Variants in POR observed in about 807,000 individuals in gnomAD.
POR encodes the protein cytochrome p450 oxidoreductase.
Under a neutral mutation model 84.0 loss-of-function variants are expected in POR, and 56 were observed. The observed-to-expected ratio is 0.67, with a 90% CI of 0.54 to 0.83. The LOEUF (loss-of-function observed/expected upper bound fraction) is 0.83. Ranked by LOEUF, POR falls within the 40% of genes least tolerant of loss-of-function variation. The probability of loss-of-function intolerance (pLI) is 0.00; values close to 1 mark genes in which losing one functional copy is unlikely to be tolerated. For missense variants in POR, 938 were observed against 944.3 expected, an observed-to-expected ratio of 0.99 and a Z score of 0.09; for synonymous variants, 414 against 400.5, an observed-to-expected ratio of 1.03 and a Z score of -0.40.
At chr7:75,980,204 T>G (rs1788934416) in intron 4 of POR, 135 bp from the exon 5 acceptor site, 1 of 1,084,470 alleles carries the variant, frequency 9.2e-7, no homozygotes, top group Non-Finnish European at 1.3e-6. Flanking sequence ...GTTACTTCTC[T>G]CTGATCCCAC....
chr7:75,936,074 GTTTC>G (rs1356549825), intron 1 of POR, among the ~76,000 whole-genome samples: 61 of 134,372 alleles, frequency 4.5e-4, no homozygotes, highest in African/African-American at 1.3e-3. Context: ...TGTCTTTACT[GTTTC>G]TTTCTTTCTT....
At chr7:75,967,006 G>T (rs1176787025) in intron 2 of POR, among the ~76,000 whole-genome samples, 3 of 152,082 alleles carry the variant, frequency 2.0e-5, no homozygotes, top group African/African-American at 7.2e-5. Context: ...GTCTCACTCT[G>T]TCAACCAGGT....
rs1474714275 is a variant in POR, at chr7:75,943,085, G to GGGT, written c.-4-10902_-4-10901insTGG. On this transcript the variant is annotated intron_variant, in intron 1 of 15. Transcript: ENST00000461988. Reference sequence around the variant, plus strand: ...TTCTGCCTCAGCCTCCTGAGTAGCTGGGACTACAGGCACGTGGCACCACAC... The same window carrying GGGT: ...TTCTGCCTCAGCCTCCTGAGTAGCTGGGTGGACTACAGGCACGTGGCACCACAC... 6.6e-5 allele frequency among the ~76,000 whole-genome samples: 10 copies of GGGT among 151,764 alleles called. No individual in the cohort carries two copies. The South Asian group carries it at 2.1e-3, about 32-fold the overall frequency.
intron 1 of POR, among the ~76,000 whole-genome samples, chr7:75,945,924 A>T (rs1474057617): frequency 1.3e-5 from 2 of 152,202 alleles, no homozygotes; most frequent in Non-Finnish European, 2.9e-5. Context: ...CCAGTGTTGC[A>T]AATGGTTGGC....
At chr7:75,984,304 G>C (rs1258222428) in intron 10 of POR, among the ~76,000 whole-genome samples, 1 of 152,176 alleles carries the variant, frequency 6.6e-6, no homozygotes, top group Non-Finnish European at 1.5e-5. Context: ...GGGCTGCCTG[G>C]GCCTGGTGGG....
At position 75,953,639 on chromosome 7, in the gene POR, C is replaced by T. The variant is rs537058324; in HGVS notation, c.-4-350C>T. ...CGTGCACTTCCTCCCGCCTGCCCCC[C>T]GTGCGGTGTCCTTGTGGGATTAGAG... is the stretch of plus-strand genomic sequence containing the variant. On this transcript the variant is annotated intron_variant, in intron 1 of 15. Coordinates refer to ENST00000461988, the MANE Select transcript of POR (RefSeq NM_000941.3). 1.2e-3 allele frequency among the ~76,000 whole-genome samples: 186 copies of T among 152,316 alleles called. 1 individual carries two copies. The highest frequency in any genetic ancestry group is 4.2e-3 in the African/African-American group (175 of 41,558).
intron 1 of POR, among the ~76,000 whole-genome samples, chr7:75,922,077 A>G (rs78175491): frequency 1.3e-5 from 2 of 152,274 alleles, no homozygotes; most frequent in East Asian, 3.9e-4. Context: ...ACTTAATAAA[A>G]GGTGTCTAAT....
At chr7:75,952,407 CG>C (rs1262727374) in intron 1 of POR, among the ~76,000 whole-genome samples, 4 of 127,998 alleles carry the variant, frequency 3.1e-5, no homozygotes, top group African/African-American at 3.1e-5. Context: ...GCTGGCCGGG[CG>C]GGGGGCTGAC....
intron 1 of POR, among the ~76,000 whole-genome samples, chr7:75,941,963 A>G (rs1786940633): frequency 6.6e-6 from 1 of 152,272 alleles, no homozygotes; most frequent in South Asian, 2.1e-4. Flanking sequence ...TCACGCCTCT[A>G]ATCCCAGCAC....
At chr7:75,936,556 C>T (rs1554550850) in intron 1 of POR, among the ~76,000 whole-genome samples, 2 of 152,186 alleles carry the variant, frequency 1.3e-5, no homozygotes, top group East Asian at 3.9e-4. Flanking sequence ...ATGTTGACTT[C>T]GGCCCATCCT....
At chr7:75,926,148 A>G (rs1366893703) in intron 1 of POR, among the ~76,000 whole-genome samples, 1 of 146,798 alleles carries the variant, frequency 6.8e-6, no homozygotes, top group Non-Finnish European at 1.5e-5. Context: ...GGCACACACC[A>G]CCATGCTTGG....
chr7:75,932,820 C>T (rs1363250357), intron 1 of POR, among the ~76,000 whole-genome samples: 1 of 151,902 alleles, frequency 6.6e-6, no homozygotes, highest in African/African-American at 2.4e-5. Flanking sequence ...GAGTTTGAGA[C>T]CAGCCTGGCC....
In POR at chr7:75,984,714, C is replaced by T. The variant is rs1789299798; in HGVS notation, c.1067-63C>T. ...GGCCCAAGGTGTCACCCCCTCCTGC[C>T]GCAGCCACCCATCCCCAGGAGGCGG... is the stretch of plus-strand genomic sequence containing the variant. On this transcript the variant is annotated intron_variant, in intron 10 of 15. Transcript: ENST00000461988. 4.8e-5 allele frequency: 71 copies of T among 1,485,706 alleles called. 3 individuals are homozygous for T. The South Asian group carries it at 6.0e-4, about 13-fold the overall frequency. The allele number at this position is 1,485,706 out of a possible 1,614,324, so 92.0% of individuals were successfully genotyped here. A position where few individuals can be genotyped will look rare whatever the true frequency, so the allele number is the denominator to read the frequency against.
chr7:75,933,259 A>G (rs1459836604), intron 1 of POR, among the ~76,000 whole-genome samples: 1 of 151,762 alleles, frequency 6.6e-6, no homozygotes, highest in African/African-American at 2.4e-5. Context: ...TAATTAACAT[A>G]TGCATTACCT....
In POR at chr7:75,981,126, G is replaced by C; in HGVS notation, c.595G>C (p.Gly199Arg). 2.6e-6 allele frequency: 4 copies of C among 1,557,894 alleles called. No individual in the cohort carries two copies. Among genetic ancestry groups the C allele is most frequent in the Non-Finnish European group, 3.5e-6 (4 of 1,151,774 alleles). ...CGTGGACAAGCGGCTGGAGCAGCTC[G>C]GCGCCCAGCGCATCTTTGAGCTGGG... The change falls in exon 6 of 16, where the codon GGC (glycine) becomes CGC (arginine). Residue 199 changes from glycine (G) to arginine (R), a missense_variant. Gly to Arg is a moderately radical substitution (Grantham distance 125). Coordinates refer to ENST00000461988, the MANE Select transcript of POR (RefSeq NM_000941.3).
At chr7:75,979,364 C>T (rs1438071960) in intron 3 of POR, 87 bp from the exon 4 acceptor site, 20 of 1,520,608 alleles carry the variant, frequency 1.3e-5, no homozygotes, top group Non-Finnish European at 1.8e-5. Flanking sequence ...TGGAGGGCCC[C>T]CGCCTGCCAG....
chr7:75,954,492 G>T (rs1326623652), intron 2 of POR, among the ~76,000 whole-genome samples: 3 of 152,124 alleles, frequency 2.0e-5, no homozygotes, highest in African/African-American at 4.8e-5. Flanking sequence ...TCATTAGCCA[G>T]CAATAGCAGC....
At chr7:75,916,492 G>A (rs1554548081) in intron 1 of POR, among the ~76,000 whole-genome samples, 1 of 152,028 alleles carries the variant, frequency 6.6e-6, no homozygotes, top group African/African-American at 2.4e-5. Context: ...TTTTTTGGGA[G>A]GAGGGCTGTT....
rs1457497967 is a variant in POR, at chr7:75,985,664, A to G, written c.1484A>G (p.Asn495Ser). ...CGCATCAACAAGGGCGTGGCCACCA[A>G]CTGGCTGCGGGCCAAGGAGCCTGCC... Residue 495 changes from asparagine (N) to serine (S), a missense_variant, in exon 13 of 16, where the codon AAC (asparagine) becomes AGC (serine). By Grantham distance (46) the Asn-to-Ser change is conservative. Transcript: ENST00000461988. The G allele has an allele frequency of 6.3e-7, 1 of 1,594,152 alleles. No individual in the cohort carries two copies. The highest frequency in any genetic ancestry group is 8.5e-7 in the Non-Finnish European group (1 of 1,171,710).
Sources: allele counts gnomAD v4.1 joint callset (sites outside exome capture counted in the v4.1 genomes callset), GRCh38; gene constraint gnomAD v4.1.1; transcripts MANE v1.5; gene names NCBI Gene and HGNC (gene_info 2026-07-23, HGNC 2026-07-21).